The following PALM2AKAP2 variants were observed in gnomAD, a reference collection of about 807,000 sequenced individuals.
The protein encoded by PALM2AKAP2 is PALM2 and AKAP2 fusion, also known as PALM2-AKAP2 fusion protein.
PALM2AKAP2 carries 37 observed loss-of-function variants against 71.5 expected under a neutral mutation model. The ratio of observed to expected loss-of-function variants is 0.52; its 90% CI spans 0.40 to 0.68. PALM2AKAP2 has a LOEUF of 0.68. Ranked by LOEUF, PALM2AKAP2 falls within the 30% of genes least tolerant of loss-of-function variation. PALM2AKAP2 has a pLI of 0.00. For missense variants in PALM2AKAP2, 1,224 were observed against 1,191.8 expected (o/e 1.03, Z -0.40); for synonymous variants, 468 against 478.8 (o/e 0.98, Z 0.29).
At chr9:109,695,865 G>T (rs9969690) in intron 1 of PALM2AKAP2, among the ~76,000 whole-genome samples, 24 of 152,134 alleles carry the variant, frequency 1.6e-4, no homozygotes, top group African/African-American at 5.8e-4. Flanking sequence ...GGTTACCAGA[G>T]GTTGACAAGG....
At chr9:109,700,039 G>T (rs1019389025) in intron 1 of PALM2AKAP2, among the ~76,000 whole-genome samples, 2 of 152,132 alleles carry the variant, frequency 1.3e-5, no homozygotes, top group Admixed American at 1.3e-4. Context: ...CTCCCAGATT[G>T]CTGAGATTAC....
At chr9:110,120,218 C>T (rs947318448) in intron 1 of PALM2AKAP2, among the ~76,000 whole-genome samples, 1 of 152,232 alleles carries the variant, frequency 6.6e-6, no homozygotes, top group African/African-American at 2.4e-5. Context: ...TACATTTCTT[C>T]TAAAACTCTG....
intron 7 of PALM2AKAP2, among the ~76,000 whole-genome samples, chr9:110,021,030 C>T (rs747093985): frequency 1.2e-4 from 18 of 152,146 alleles, no homozygotes; most frequent in Admixed American, 3.9e-4. Flanking sequence ...CATTTGAATT[C>T]AGGAGGCAGA....
chr9:110,143,872 T>C (rs1836096701), intron 2 of PALM2AKAP2, among the ~76,000 whole-genome samples: 1 of 152,214 alleles, frequency 6.6e-6, no homozygotes. Flanking sequence ...TTCTAATTTG[T>C]GGAAAGATGT....
intron 1 of PALM2AKAP2, among the ~76,000 whole-genome samples, chr9:110,079,576 GAA>G (rs1834397546): frequency 6.6e-6 from 1 of 152,076 alleles, no homozygotes; most frequent in Non-Finnish European, 1.5e-5. Flanking sequence ...GAATAGTGTG[GAA>G]AAGACTTGGG....
intron 1 of PALM2AKAP2, among the ~76,000 whole-genome samples, chr9:109,816,231 A>G (rs751747334): frequency 2.0e-5 from 3 of 152,208 alleles, no homozygotes; most frequent in Non-Finnish European, 4.4e-5. Flanking sequence ...CTTAGCTCTC[A>G]TTTGGGATTT....
intron 1 of PALM2AKAP2, among the ~76,000 whole-genome samples, chr9:109,660,820 C>A (rs1429478385): frequency 6.6e-6 from 1 of 152,170 alleles, no homozygotes; most frequent in Non-Finnish European, 1.5e-5. Context: ...ATATCCTCTC[C>A]AGCATCTGTT....
At chr9:110,171,277 A>G (rs1455737821) in exon 4 of PALM2AKAP2, 2 of 152,204 alleles carry the variant, frequency 1.3e-5, no homozygotes, top group African/African-American at 4.8e-5. Flanking sequence ...TTAAAGAATA[A>G]CAGAGTTCTA....
chr9:110,009,361 G>A (rs192163573), intron 6 of PALM2AKAP2, among the ~76,000 whole-genome samples: 1 of 152,120 alleles, frequency 6.6e-6, no homozygotes, highest in African/African-American at 2.4e-5. Flanking sequence ...TGCTTCACCA[G>A]GTCTCTTTAG....
At chr9:110,028,280 C>T (rs759926499) in intron 7 of PALM2AKAP2, among the ~76,000 whole-genome samples, 16 of 152,182 alleles carry the variant, frequency 1.1e-4, no homozygotes, top group Non-Finnish European at 2.2e-4. Flanking sequence ...GAAATGAAGT[C>T]ACAACCATTG....
At chr9:109,988,583 AAAG>A (rs752482401) in intron 6 of PALM2AKAP2, among the ~76,000 whole-genome samples, 3 of 73,574 alleles carry the variant, frequency 4.1e-5, no homozygotes, top group East Asian at 2.4e-4. Context: ...AGGAAGGAAA[AAAG>A]GAAGAAAGGA....
rs554414185 is a variant in PALM2AKAP2 at position 109,767,414 on chromosome 9, GA to G, written c.6-13073del. ...AGGGATTAGGGCGTGGGCATCTTTGGAGGCTGTTGCCCCATCTACCCCTACC... is the reference window on the plus strand; with the variant it reads ...AGGGATTAGGGCGTGGGCATCTTTGGGGCTGTTGCCCCATCTACCCCTACC... On this transcript the variant is annotated intron_variant, in intron 1 of 6. Coordinates refer to the PALM2AKAP2 transcript ENST00000374531. Among the ~76,000 whole-genome samples, 5 of 152,258 alleles carry G rather than the reference GA, an allele frequency of 3.3e-5. No individual in the cohort carries two copies. In the East Asian group the frequency reaches 9.7e-4, roughly 29 times the overall value.
chr9:109,881,157 T>G (rs544467201), intron 3 of PALM2AKAP2, among the ~76,000 whole-genome samples: 10 of 152,282 alleles, frequency 6.6e-5, no homozygotes, highest in Admixed American at 6.5e-4. Context: ...GTTCCTGTGT[T>G]AGTTTGGTAA....
intron 3 of PALM2AKAP2, among the ~76,000 whole-genome samples, chr9:109,908,803 CGT>C (rs1442644358): frequency 7.6e-5 from 9 of 118,998 alleles, no homozygotes; most frequent in South Asian, 2.9e-4. Flanking sequence ...TGTATGGATG[CGT>C]GTGCACACAC....
intron 1 of PALM2AKAP2, among the ~76,000 whole-genome samples, chr9:109,687,059 T>G (rs902835319): frequency 6.6e-6 from 1 of 152,226 alleles, no homozygotes; most frequent in African/African-American, 2.4e-5. Context: ...TGCCACATTT[T>G]CTTAATCCAG....
intron 6 of PALM2AKAP2, among the ~76,000 whole-genome samples, chr9:110,006,836 C>G (rs1222086650): frequency 6.6e-6 from 1 of 152,130 alleles, no homozygotes; most frequent in Admixed American, 6.6e-5. Flanking sequence ...CGTTGCTAGT[C>G]AAGATCCTGT....
At chr9:109,662,848 C>A (rs1827420000) in intron 1 of PALM2AKAP2, among the ~76,000 whole-genome samples, 1 of 152,074 alleles carries the variant, frequency 6.6e-6, no homozygotes. Context: ...ATTTCAGAGC[C>A]TGTTATTGGT....
chr9:110,138,131 C>G, exon 2 of PALM2AKAP2: 1 of 1,613,992 alleles, frequency 6.2e-7, no homozygotes, highest in Non-Finnish European at 8.5e-7. Context: ...GGTGTCTTCT[C>G]CTGTTCAAGA....
At chr9:109,993,825 CCT>C (rs1832525965) in intron 6 of PALM2AKAP2, among the ~76,000 whole-genome samples, 1 of 151,622 alleles carries the variant, frequency 6.6e-6, no homozygotes, top group Non-Finnish European at 1.5e-5. Flanking sequence ...TTCTTCTCCT[CCT>C]CTCTCTTTTA....
Sources: allele counts gnomAD v4.1 joint callset (sites outside exome capture counted in the v4.1 genomes callset), GRCh38; gene constraint gnomAD v4.1.1; transcripts MANE v1.5; gene names NCBI Gene and HGNC (gene_info 2026-07-23, HGNC 2026-07-21).